ZNF404: variants seen among roughly 807,000 people sequenced by gnomAD.
ZNF404 encodes the protein zinc finger protein 404.
ZNF404 carries 7 observed loss-of-function variants against 7.3 expected under a neutral mutation model. The ratio of observed to expected loss-of-function variants is 0.95; its 90% confidence interval spans 0.54 to 1.79. The LOEUF (loss-of-function observed/expected upper bound fraction) is 1.79, where lower values mean the gene tolerates loss of function less well. Ranked by LOEUF, ZNF404 falls within the 40% of genes most tolerant of loss-of-function variation. ZNF404 has a pLI of 0.00. For missense variants in ZNF404, 560 were observed against 661.5 expected (o/e 0.85, Z 1.68); for synonymous variants, 191 against 209.9 (o/e 0.91, Z 0.78).
At chr19:43,877,649 C>T (rs968460623) in intron 2 of ZNF404, among the ~76,000 whole-genome samples, 7 of 149,980 alleles carry the variant, frequency 4.7e-5, no homozygotes, top group Admixed American at 1.3e-4. Flanking sequence ...TAGTTACATA[C>T]GTATACATGT....
Position 43,873,957 on chromosome 19 carries a change from A to G in ZNF404, c.257T>C (p.Phe86Ser). The G allele has an allele frequency of 6.2e-7, 1 of 1,613,174 alleles. No homozygotes were observed. The highest frequency in any genetic ancestry group is 8.5e-7 in the Non-Finnish European group (1 of 1,179,480). Residue 86 changes from phenylalanine to serine, a missense_variant, in exon 3 of 3, where the codon TTC (phenylalanine) becomes TCC (serine). Coordinates refer to ENST00000587539, the MANE Select transcript of ZNF404 (RefSeq NM_001033719.3). ...AATTGTGTACTGTGGGTCAGTTCTGAAAATAAACCTCATAAGGTTGAAGGT... is the reference window on the plus strand; with the variant it reads ...AATTGTGTACTGTGGGTCAGTTCTGGAAATAAACCTCATAAGGTTGAAGGT... ...NKTFNLMRFI[F>S]RTDPQYTIEF...
In ZNF404 at chr19:43,872,373, A is replaced by G. The variant is rs1434990495; in HGVS notation, c.*182T>C. The G allele has an allele frequency of 2.1e-6, 1 of 478,470 alleles. No homozygotes were observed. The highest frequency in any genetic ancestry group is 3.6e-6 in the Non-Finnish European group (1 of 281,314). 29.6% of individuals were successfully genotyped at this position (478,470 alleles called of 1,614,324 possible). ...ATCACACTCATAGGGTCTTCCTTCT[A>G]TAAGATTTATTTTTAGTAATTCTAA... On this transcript the variant is annotated 3_prime_UTR_variant, in exon 3 of 3. Transcript: ENST00000587539. The surrounding 1 kb of genome is among the most constrained non-coding windows in gnomAD (Gnocchi z 4.4).
At chr19:43,876,760 TATC>T (rs1452085907) in intron 2 of ZNF404, among the ~76,000 whole-genome samples, 2 of 152,204 alleles carry the variant, frequency 1.3e-5, no homozygotes, top group African/African-American at 4.8e-5. Flanking sequence ...ATCATGCTGA[TATC>T]ATGTATTTCT....
Position 43,873,285 on chromosome 19 carries a change from C to T in ZNF404, c.929G>A (p.Arg310His), listed in dbSNP as rs553096527. The change falls in exon 3 of 3, where the codon CGC (arginine) becomes CAC (histidine). Residue 310 changes from arginine (R) to histidine (H), a missense_variant. Arg to His is a conservative substitution (Grantham distance 29). Transcript: ENST00000587539. The stretch of plus-strand genomic sequence containing the variant: ...TTGATGTTCAACAAGTAGATAGCTG[C>T]GAACAAAGGCCTTTTCACATTGTTC... ...KCEQCEKAFVRSYLLVEHQRS... is the reference protein window; with the variant it reads ...KCEQCEKAFVHSYLLVEHQRS... 4.2e-5 allele frequency: 68 copies of T among 1,613,450 alleles called. 1 individual carries two copies. In the South Asian group the frequency reaches 5.8e-4, roughly 14 times the overall value.
Position 43,873,526 on chromosome 19 carries a change from G to C in ZNF404, c.688C>G (p.Leu230Val). The C allele has an allele frequency of 1.2e-6, 2 of 1,613,480 alleles. No homozygotes were observed. The highest frequency in any genetic ancestry group is 1.1e-5 in the South Asian group (1 of 91,060). The part of the protein sequence containing the change: ...CGKAFRRHSH[L>V]TEHQKIHVGL... ...ACATGAATTTTCTGATGTTCTGTAA[G>C]GTGAGAATGACGTCTAAAAGCCTTC... The change falls in exon 3 of 3, where the codon CTT becomes GTT. Residue 230 changes from leucine to valine, a missense_variant. Leu to Val is a conservative substitution (Grantham distance 32). Coordinates refer to ENST00000587539, the MANE Select transcript of ZNF404 (RefSeq NM_001033719.3).
At chr19:43,881,725 G>A (rs1971896023) in intron 1 of ZNF404, 1 of 152,060 alleles carries the variant, frequency 6.6e-6, no homozygotes, top group Non-Finnish European at 1.5e-5. Flanking sequence ...CGGAGGGTGA[G>A]GCAGGCGGAT....
intron 2 of ZNF404, among the ~76,000 whole-genome samples, chr19:43,878,614 A>C (rs1971870579): frequency 6.6e-6 from 1 of 152,186 alleles, no homozygotes; most frequent in Non-Finnish European, 1.5e-5. Flanking sequence ...CTAATGAGGC[A>C]AAGGAAAGCA....
chr19:43,873,221 T>G lies in ZNF404; in HGVS notation c.993A>C (p.Glu331Asp), dbSNP rs760492139. The G allele has an allele frequency of 5.0e-6, 8 of 1,613,594 alleles. No individual in the cohort carries two copies. The highest frequency in any genetic ancestry group is 4.4e-5 in the South Asian group (4 of 91,070). The change falls in exon 3 of 3, where the codon GAA becomes GAC. Residue 331 changes from glutamate to aspartate, a missense_variant. Coordinates refer to ENST00000587539, the MANE Select transcript of ZNF404 (RefSeq NM_001033719.3). ...AGCCCTTACCAAAAGCCTTTCCACA[T>G]TCCATGCATTCATGAGGTTTCTCAC... Reference protein sequence around the residue: ...HTGEKPHECMECGKAFGKGSS... With the variant: ...HTGEKPHECMDCGKAFGKGSS...
chr19:43,872,562 A>C lies in ZNF404; in HGVS notation c.1652T>G (p.Leu551Ter). 2 of 1,596,474 alleles carry C rather than the reference A, an allele frequency of 1.3e-6. No homozygotes were observed. The highest frequency in any genetic ancestry group is 1.7e-6 in the Non-Finnish European group (2 of 1,171,160). Residue 551 changes from leucine (L) to a stop codon, truncating the protein, a stop_gained, in exon 3 of 3, where the codon TTA becomes TGA. Transcript: ENST00000587539. LOFTEE classifies it high-confidence loss of function. The surrounding 1 kb of genome is among the most constrained non-coding windows in gnomAD (Gnocchi z 4.4). ...HQRFHHGERL[L>*]M ...TAAAGGCTTTCCCTCTCATTACATTAAGAGTCTCTCACCATGGTGAAATCT... is the reference window on the plus strand; with the variant it reads ...TAAAGGCTTTCCCTCTCATTACATTCAGAGTCTCTCACCATGGTGAAATCT...
intron 2 of ZNF404, among the ~76,000 whole-genome samples, chr19:43,877,110 G>C (rs1040781579): frequency 3.9e-5 from 6 of 152,146 alleles, no homozygotes; most frequent in African/African-American, 1.2e-4. Flanking sequence ...ATGTTAACTT[G>C]CTAGTTTGCA....
chr19:43,873,674 G>T lies in ZNF404; in HGVS notation c.540C>A (p.Ile180=). The T allele has an allele frequency of 5.6e-6, 9 of 1,613,196 alleles. No homozygotes were observed. Among genetic ancestry groups the T allele is most frequent in the Non-Finnish European group, 7.6e-6 (9 of 1,179,620 alleles). ...ATTCATAGGGTTTCAAATCAGTGTG[G>T]ATTTTTCGATGTCTAATAAAATGCT... ...VFQHFIRHRK[I]HTDLKPYECN... is the part of the protein sequence containing the mutation. Residue 180 remains isoleucine (I), a synonymous_variant, in exon 3 of 3, where the codon ATC becomes ATA. Transcript: ENST00000587539.
rs1971833612 is a variant in ZNF404, at chr19:43,873,909, G to T, written c.305C>A (p.Pro102His). 6.2e-7 allele frequency: 1 copy of T among 1,612,958 alleles called. No homozygotes were observed. The highest frequency in any genetic ancestry group is 8.5e-7 in the Non-Finnish European group (1 of 1,179,498). ...YTIEFGRQQRPKVGCFSQMIF... is the reference protein window; with the variant it reads ...YTIEFGRQQRHKVGCFSQMIF... ...CATTTGACTAAAACATCCCACTTTA[G>T]GTCTCTGTTGTCTCCCAAATTCAAT... Residue 102 changes from proline to histidine, a missense_variant, in exon 3 of 3, where the codon CCT (proline) becomes CAT (histidine). Physicochemically the swap from Pro to His is moderately conservative, Grantham distance 77 (BLOSUM62 -2). Coordinates refer to ENST00000587539, the MANE Select transcript of ZNF404 (RefSeq NM_001033719.3).
At chr19:43,875,764 A>G (rs945418138) in intron 2 of ZNF404, among the ~76,000 whole-genome samples, 46 of 152,170 alleles carry the variant, frequency 3.0e-4, no homozygotes, top group African/African-American at 1.0e-3. Flanking sequence ...CTCTGAGCCA[A>G]TGCAATAAAG....
At position 43,875,724 on chromosome 19, in the gene ZNF404, T is replaced by C. The variant is rs116636023; in HGVS notation, c.137-1647A>G. On this transcript the variant is annotated intron_variant, in intron 2 of 2. Coordinates refer to ENST00000587539, the MANE Select transcript of ZNF404 (RefSeq NM_001033719.3). ...GGAATTCTGTGAAAAAAGTATAAAT[T>C]TAAAAAGTCAAAATAATACAGATGT... Among the ~76,000 whole-genome samples the C allele has an allele frequency of 7.3e-3, 1,109 of 152,126 alleles. 13 individuals are homozygous for C. Among genetic ancestry groups the C allele is most frequent in the African/African-American group, 0.025 (1,040 of 41,510 alleles).
chr19:43,882,758 T>C (rs1971906736), intron 1 of ZNF404, among the ~76,000 whole-genome samples: 1 of 145,536 alleles, frequency 6.9e-6, no homozygotes, highest in Non-Finnish European at 1.5e-5. Flanking sequence ...AAAACTGCAC[T>C]CCAGCTTGGG....
At position 43,872,813 on chromosome 19, in the gene ZNF404, A is replaced by G. The variant is rs1455981810; in HGVS notation, c.1401T>C (p.Tyr467=). Residue 467 remains tyrosine, a synonymous_variant, in exon 3 of 3, where the codon TAT becomes TAC. Coordinates refer to ENST00000587539, the MANE Select transcript of ZNF404 (RefSeq NM_001033719.3). This position sits in a 1 kb window ranked among gnomAD's most constrained non-coding sequence, Gnocchi z 4.4. ...HQTIHTGLKP[Y]VCKECKKAFR... ...AGGCCTTCTTACATTCTTTACATACATAGGGTTTCAAACCAGTATGAATTG... is the reference window on the plus strand; with the variant it reads ...AGGCCTTCTTACATTCTTTACATACGTAGGGTTTCAAACCAGTATGAATTG... 2.5e-6 allele frequency: 4 copies of G among 1,610,268 alleles called. No individual in the cohort carries two copies. The African/African-American group carries it at 5.3e-5, about 22-fold the overall frequency.
intron 1 of ZNF404, among the ~76,000 whole-genome samples, chr19:43,882,955 G>A (rs1181891260): frequency 1.3e-5 from 2 of 151,908 alleles, no homozygotes; most frequent in Admixed American, 1.3e-4. Context: ...ACAAAAATTT[G>A]CTGGGCATGG....
chr19:43,875,402 A>C (rs171238), intron 2 of ZNF404, among the ~76,000 whole-genome samples: 96,370 of 152,046 alleles, frequency 0.63, 31,755 homozygotes, highest in East Asian at 0.82. Context: ...CCCAAATTCT[A>C]CCTTCTATTC....
chr19:43,876,363 GAAT>G (rs1455074656), intron 2 of ZNF404, among the ~76,000 whole-genome samples: 1 of 151,884 alleles, frequency 6.6e-6, no homozygotes, highest in African/African-American at 2.4e-5. Context: ...ATTAGGAAAA[GAAT>G]GATGGACTGC....
Sources: gnomAD v4.1 joint callset for allele counts (sites outside exome capture counted in the v4.1 genomes callset) on GRCh38, gnomAD v4.1.1 for gene constraint, Gnocchi (gnomAD v3.1) non-coding constraint, MANE v1.5 for transcripts, NCBI Gene and HGNC (gene_info 2026-07-23, HGNC 2026-07-21) for gene names.